The following MAGI2 variants were observed in gnomAD, a reference collection of about 807,000 sequenced individuals.
The protein encoded by MAGI2 is membrane-associated guanylate kinase, WW and PDZ domain-containing protein 2.
Under a neutral mutation model 133.3 loss-of-function variants are expected in MAGI2, and 35 were observed. The ratio of observed to expected loss-of-function variants is 0.26; its 90% CI spans 0.20 to 0.35. The LOEUF (loss-of-function observed/expected upper bound fraction) is 0.35. Ranked by LOEUF, MAGI2 falls within the 10% of genes least tolerant of loss-of-function variation. MAGI2 has a pLI of 1.00. For synonymous variants in MAGI2, 729 were observed against 710.6 expected, an observed-to-expected ratio of 1.03 and a Z score of -0.41; for missense variants, 1,636 against 1,863.4, an observed-to-expected ratio of 0.88 and a Z score of 2.25.
intron 2 of MAGI2, among the ~76,000 whole-genome samples, chr7:78,952,832 G>A (rs1801983096): frequency 6.6e-6 from 1 of 152,138 alleles, no homozygotes; most frequent in African/African-American, 2.4e-5. Context: ...TATCAAATGT[G>A]TAACAGGAAG....
rs78421274 is a variant in MAGI2, at chr7:79,323,982, A to G, written c.301+129038T>C. Among the ~76,000 whole-genome samples, 785 of 152,216 alleles carry G rather than the reference A, an allele frequency of 5.2e-3. 4 individuals are homozygous for G. Among genetic ancestry groups the G allele is most frequent in the African/African-American group, 0.018 (741 of 41,550 alleles). Reference sequence around the variant, plus strand: ...CTCCTGGGGATGCTCCTGGGAAGCTAGAGACAAACTACCTGGACTCTGATA... The same window carrying G: ...CTCCTGGGGATGCTCCTGGGAAGCTGGAGACAAACTACCTGGACTCTGATA... On this transcript the variant is annotated intron_variant, in intron 1 of 21. Coordinates refer to ENST00000354212, the MANE Select transcript of MAGI2 (RefSeq NM_012301.4).
At chr7:78,343,336 C>T (rs1790583812) in intron 9 of MAGI2, among the ~76,000 whole-genome samples, 1 of 151,970 alleles carries the variant, frequency 6.6e-6, no homozygotes, top group Non-Finnish European at 1.5e-5. Context: ...CAGACCTAGT[C>T]CAGTTTAAAG....
At chr7:78,686,065 ATTTTC>A (rs1816280800) in intron 2 of MAGI2, among the ~76,000 whole-genome samples, 1 of 133,698 alleles carries the variant, frequency 7.5e-6, no homozygotes, top group African/African-American at 2.8e-5. Flanking sequence ...GCTTTTGCTT[ATTTTC>A]TTAAGAATTC....
intron 2 of MAGI2, among the ~76,000 whole-genome samples, chr7:78,784,062 A>G (rs956905720): frequency 2.0e-5 from 3 of 152,174 alleles, no homozygotes; most frequent in Non-Finnish European, 4.4e-5. Flanking sequence ...TGTATCAGGG[A>G]GCTTTCAAAG....
chr7:78,828,654 T>C (rs1790874349), intron 2 of MAGI2, among the ~76,000 whole-genome samples: 1 of 152,204 alleles, frequency 6.6e-6, no homozygotes, highest in African/African-American at 2.4e-5. Context: ...AATGTTATTG[T>C]ATCAATATTC....
intron 6 of MAGI2, among the ~76,000 whole-genome samples, chr7:78,444,845 A>G (rs1787974139): frequency 6.7e-6 from 1 of 148,600 alleles, no homozygotes; most frequent in African/African-American, 2.4e-5. Flanking sequence ...TAATGTATAA[A>G]TGTAAATATA....
chr7:78,402,558 C>T (rs36110075), intron 6 of MAGI2, among the ~76,000 whole-genome samples: 76,770 of 152,106 alleles, frequency 0.5, 20,000 homozygotes, highest in East Asian at 0.75. Context: ...GTCTTATTCC[C>T]AATGGTGTTA....
chr7:79,377,123 A>C (rs965023691), intron 1 of MAGI2, among the ~76,000 whole-genome samples: 1 of 151,874 alleles, frequency 6.6e-6, no homozygotes, highest in African/African-American at 2.4e-5. Flanking sequence ...ACACTTCTTC[A>C]TAACTAACGA....
intron 15 of MAGI2, among the ~76,000 whole-genome samples, chr7:78,163,047 C>G (rs1172379532): frequency 6.6e-6 from 1 of 152,166 alleles, no homozygotes; most frequent in Non-Finnish European, 1.5e-5. Context: ...TCTAGGATCC[C>G]TGACTCATTC....
chr7:78,945,150 C>T (rs1204643214), intron 2 of MAGI2, among the ~76,000 whole-genome samples: 1 of 152,030 alleles, frequency 6.6e-6, no homozygotes, highest in Non-Finnish European at 1.5e-5. Context: ...CAACCTCCCC[C>T]TCCCCGGTTC....
At chr7:79,029,900 C>T (rs1407392140) in intron 1 of MAGI2, among the ~76,000 whole-genome samples, 1 of 152,160 alleles carries the variant, frequency 6.6e-6, no homozygotes, top group African/African-American at 2.4e-5. Context: ...GCAATTTCTT[C>T]ACCATGCTAG....
intron 14 of MAGI2, among the ~76,000 whole-genome samples, chr7:78,171,429 T>C (rs757518971): frequency 2.0e-5 from 3 of 152,212 alleles, no homozygotes; most frequent in Non-Finnish European, 4.4e-5. Context: ...CATGAGAGTC[T>C]GATGCTGCAG....
chr7:78,334,820 C>T (rs1789586006), intron 9 of MAGI2, among the ~76,000 whole-genome samples: 1 of 152,118 alleles, frequency 6.6e-6, no homozygotes, highest in Non-Finnish European at 1.5e-5. Flanking sequence ...AAACCCACAG[C>T]AATGAAGAGC....
intron 2 of MAGI2, among the ~76,000 whole-genome samples, chr7:78,920,186 G>C (rs906318795): frequency 6.6e-6 from 1 of 152,108 alleles, no homozygotes; most frequent in Non-Finnish European, 1.5e-5. Flanking sequence ...GTATAGTGTA[G>C]TGTGGACTCT....
intron 1 of MAGI2, among the ~76,000 whole-genome samples, chr7:79,113,058 T>C (rs1310059190): frequency 6.6e-6 from 1 of 152,244 alleles, no homozygotes; most frequent in Non-Finnish European, 1.5e-5. Flanking sequence ...AGAGTTATTG[T>C]CTATGCTTTG....
intron 6 of MAGI2, among the ~76,000 whole-genome samples, chr7:78,415,290 C>T (rs567952440): frequency 2.0e-4 from 30 of 152,110 alleles, no homozygotes; most frequent in African/African-American, 2.4e-4. Flanking sequence ...AAATGAGCTA[C>T]GCTGCACTGC....
rs1292267068 is a variant in MAGI2, at chr7:78,737,387, T to C, written c.419-110148A>G. ...ATACACCATTGGAATTAAATTTAAC[T>C]GAGTACAAAAAATAAAGGTTCATTG... On this transcript the variant is annotated intron_variant, in intron 2 of 21. Coordinates refer to ENST00000354212, the MANE Select transcript of MAGI2 (RefSeq NM_012301.4). Among the ~76,000 whole-genome samples, 4 of 152,204 alleles carry C rather than the reference T, an allele frequency of 2.6e-5. No homozygotes were observed. The East Asian group carries it at 7.7e-4, about 29-fold the overall frequency.
intron 21 of MAGI2, among the ~76,000 whole-genome samples, chr7:78,070,106 TACACACACACACACACACAC>T (rs67410981): frequency 1.3e-5 from 1 of 79,710 alleles, no homozygotes; most frequent in Non-Finnish European, 2.9e-5. Flanking sequence ...CACACACACA[TACACACACACACACACACAC>T]ATATATGTGT....
intron 2 of MAGI2, among the ~76,000 whole-genome samples, chr7:78,905,745 G>A (rs975760744): frequency 6.6e-6 from 1 of 152,144 alleles, no homozygotes; most frequent in African/African-American, 2.4e-5. Context: ...TAAGGTACAG[G>A]TGATTTGGAT....
Sources: allele counts gnomAD v4.1 joint callset (sites outside exome capture counted in the v4.1 genomes callset), GRCh38; gene constraint gnomAD v4.1.1; transcripts MANE v1.5; gene names NCBI Gene and HGNC (gene_info 2026-07-23, HGNC 2026-07-21).